Variants in ENG observed in about 807,000 individuals in gnomAD.
ENG encodes CD105 antigen.
Under a neutral mutation model 71.0 loss-of-function variants are expected in ENG, and 17 were observed. That is an observed-to-expected ratio of 0.24 (90% CI 0.16 to 0.36). The LOEUF (loss-of-function observed/expected upper bound fraction) is 0.36. Among genes scored for constraint, ENG ranks in the 10% least tolerant of loss-of-function variants. The pLI, the probability that ENG is intolerant of heterozygous loss-of-function variation, is 1.00. For missense variants in ENG, 749 were observed against 868.3 expected (o/e 0.86, Z 1.73); for synonymous variants, 360 against 366.9 (o/e 0.98, Z 0.21).
At chr9:127,834,245 G>GTA (rs1349143312) in intron 2 of ENG, among the ~76,000 whole-genome samples, 111 of 151,264 alleles carry the variant, frequency 7.3e-4, no homozygotes, top group South Asian at 2.7e-3. Flanking sequence ...GCTAATTTTT[G>GTA]TATATATATA....
chr9:127,832,690 C>T (rs1830794898), intron 2 of ENG: 1 of 152,376 alleles, frequency 6.6e-6, no homozygotes, highest in African/African-American at 2.4e-5. Flanking sequence ...CAATCTGTAA[C>T]TAGTTGTGAT....
At chr9:127,817,336 G>A in intron 12 of ENG, 133 bp from the exon 13 acceptor site, 1 of 863,158 alleles carries the variant, frequency 1.2e-6, no homozygotes, top group Non-Finnish European at 1.9e-6. Flanking sequence ...GTAGCTGGAT[G>A]CCTCTGGGTG....
chr9:127,846,454 G>A lies in ENG; in HGVS notation c.68-3209C>T, dbSNP rs1292348953. On this transcript the variant is annotated intron_variant, in intron 1 of 14. Transcript: ENST00000373203. The surrounding 1 kb of genome is among the most constrained non-coding windows in gnomAD (Gnocchi z 5.5). ...CGCAGCGCCTCCCTCCTTCCCTTTGGGACTTTCCCTGCCCCCTCCCCAGAC... is the reference window on the plus strand; with the variant it reads ...CGCAGCGCCTCCCTCCTTCCCTTTGAGACTTTCCCTGCCCCCTCCCCAGAC... 1.3e-5 allele frequency among the ~76,000 whole-genome samples: 2 copies of A among 152,080 alleles called. No homozygotes were observed. Among genetic ancestry groups the A allele is most frequent in the Admixed American group, 6.5e-5 (1 of 15,270 alleles).
intron 2 of ENG, chr9:127,841,325 T>C (rs1014316929): frequency 1.3e-5 from 2 of 152,278 alleles, no homozygotes; most frequent in East Asian, 1.9e-4. Flanking sequence ...CTATCTCCCA[T>C]AGACCTAGAC....
intron 2 of ENG, among the ~76,000 whole-genome samples, chr9:127,835,984 G>A (rs545046117): frequency 6.6e-6 from 1 of 152,266 alleles, no homozygotes; most frequent in Non-Finnish European, 1.5e-5. Context: ...AAACTCAGGG[G>A]GGCTGGAAAG....
chr9:127,848,968 A>G (rs1831233407), intron 1 of ENG, among the ~76,000 whole-genome samples: 1 of 152,186 alleles, frequency 6.6e-6, no homozygotes, highest in African/African-American at 2.4e-5. Flanking sequence ...TTTAATCAGT[A>G]GTTCACATCT....
At chr9:127,825,392 C>T (rs778084631) in intron 5 of ENG, 35 bp from the exon 6 acceptor site, 87 of 1,605,674 alleles carry the variant, frequency 5.4e-5, no homozygotes, top group African/African-American at 9.4e-5. Context: ...AACACTGAAG[C>T]GGACAGGCCA....
At chr9:127,853,266 G>A (rs1292865580) in intron 1 of ENG, among the ~76,000 whole-genome samples, 1 of 152,018 alleles carries the variant, frequency 6.6e-6, no homozygotes, top group Non-Finnish European at 1.5e-5. Context: ...GTGGGGAGGT[G>A]GGGAGAAGTT....
intron 8 of ENG, among the ~76,000 whole-genome samples, chr9:127,823,919 G>A (rs1830536361): frequency 6.6e-6 from 1 of 151,948 alleles, no homozygotes; most frequent in Non-Finnish European, 1.5e-5. Context: ...GACCTCAAGT[G>A]ATCCACCCAT....
intron 13 of ENG, 117 bp from the exon 14 acceptor site, chr9:127,816,170 TCTCTGAACCTCAGTCTC>T: frequency 4.0e-6 from 5 of 1,264,138 alleles, no homozygotes; most frequent in Non-Finnish European, 2.2e-6. Context: ...ACCCTCGACT[TCTCTGAACCTCAGTCTC>T]CTCTTGCAGC....
At chr9:127,831,532 C>T (rs963767662) in intron 2 of ENG, among the ~76,000 whole-genome samples, 2 of 151,934 alleles carry the variant, frequency 1.3e-5, no homozygotes, top group African/African-American at 2.4e-5. Flanking sequence ...GGACTATAGG[C>T]GCCCACTACC....
At chr9:127,820,633 C>T (rs2131880175) in intron 8 of ENG, among the ~76,000 whole-genome samples, 1 of 150,812 alleles carries the variant, frequency 6.6e-6, no homozygotes, top group Non-Finnish European at 1.5e-5. Flanking sequence ...TCGAGACCAT[C>T]CTGGCTAACA....
At chr9:127,837,808 A>ATCCT (rs893614716) in intron 2 of ENG, among the ~76,000 whole-genome samples, 12 of 151,266 alleles carry the variant, frequency 7.9e-5, no homozygotes, top group Non-Finnish European at 1.6e-4. Flanking sequence ...CCATCCATCC[A>ATCCT]TCCATCCAAC....
In ENG at chr9:127,824,826, A is replaced by C; in HGVS notation, c.965T>G (p.Ile322Ser). The C allele has an allele frequency of 6.3e-7, 1 of 1,586,936 alleles. No individual in the cohort carries two copies. Among genetic ancestry groups the C allele is most frequent in the Non-Finnish European group, 8.6e-7 (1 of 1,166,676 alleles). Residue 322 changes from isoleucine (I) to serine (S), a missense_variant, in exon 7 of 15, where the codon ATT becomes AGT. Physicochemically the swap from Ile to Ser is moderately radical, Grantham distance 142. Coordinates refer to ENST00000373203, the MANE Select transcript of ENG (RefSeq NM_001114753.3). ...GCAGCTGGAGGCATGAAGTGAGACA[A>C]TGCTGGCCAGCGGTAGCTCCACGAA... is the stretch of plus-strand genomic sequence containing the variant. ...ASFVELPLAS[I>S]VSLHASSCGG...
intron 2 of ENG, among the ~76,000 whole-genome samples, chr9:127,839,033 C>T (rs375928544): frequency 2.0e-5 from 3 of 152,168 alleles, no homozygotes; most frequent in Non-Finnish European, 2.9e-5. Flanking sequence ...CCCACTACCA[C>T]GTCCAGCCCC....
At position 127,843,098 on chromosome 9, in the gene ENG, G is replaced by A; in HGVS notation, c.215C>T (p.Pro72Leu). The change falls in exon 2 of 15, where the codon CCA (proline) becomes CTA (leucine). Residue 72 changes from proline to leucine, a missense_variant. Pro to Leu is a moderately conservative substitution (Grantham distance 98). Coordinates refer to ENST00000373203, the MANE Select transcript of ENG (RefSeq NM_001114753.3). ...ACCCTGCCATGGGACACTCACCGTT[G>A]GGAACTCCAGGAAGAGGACATGGAC... is the stretch of plus-strand genomic sequence containing the variant. Reference protein sequence around the residue: ...LEVHVLFLEFPTGPSQLELTL... With the variant: ...LEVHVLFLEFLTGPSQLELTL... The A allele has an allele frequency of 6.2e-7, 1 of 1,614,012 alleles. No individual in the cohort carries two copies. Among genetic ancestry groups the A allele is most frequent in the Non-Finnish European group, 8.5e-7 (1 of 1,179,954 alleles).
chr9:127,821,880 TAAAAAAAA>T (rs34166162), intron 8 of ENG, among the ~76,000 whole-genome samples: 7 of 53,052 alleles, frequency 1.3e-4, no homozygotes, highest in African/African-American at 4.3e-4. Context: ...GAGACTGTCT[TAAAAAAAA>T]AAAAAAAAAA....
chr9:127,853,300 T>TC (rs1829076970), intron 1 of ENG, among the ~76,000 whole-genome samples: 1 of 151,976 alleles, frequency 6.6e-6, no homozygotes, highest in Non-Finnish European at 1.5e-5. Flanking sequence ...CTGTTTTCCT[T>TC]CCCCTTCCTC....
chr9:127,851,731 T>C (rs1002440417), intron 1 of ENG, among the ~76,000 whole-genome samples: 4 of 151,704 alleles, frequency 2.6e-5, no homozygotes, highest in Admixed American at 1.3e-4. Context: ...ATACAAAAAT[T>C]AGGCGGGTGT....
Sources: gnomAD v4.1 joint callset for allele counts (sites outside exome capture counted in the v4.1 genomes callset) on GRCh38, gnomAD v4.1.1 for gene constraint, Gnocchi (gnomAD v3.1) non-coding constraint, MANE v1.5 for transcripts, NCBI Gene and HGNC (gene_info 2026-07-23, HGNC 2026-07-21) for gene names.